Variants in KCNK13 observed in about 807,000 individuals in gnomAD.
KCNK13 encodes the protein potassium channel subfamily K member 13.
Under a neutral mutation model 23.4 loss-of-function variants are expected in KCNK13, and 12 were observed. That is an observed-to-expected ratio of 0.51 (90% confidence interval 0.33 to 0.83). KCNK13 has a LOEUF of 0.83. Ranked by LOEUF, KCNK13 falls within the 40% of genes least tolerant of loss-of-function variation. KCNK13 has a pLI of 0.02. For missense variants in KCNK13, 463 were observed against 556.3 expected (o/e 0.83, Z 1.69); for synonymous variants, 231 against 229.5 (o/e 1.01, Z -0.06).
At chr14:90,137,133 CCTT>C (rs768327482) in intron 1 of KCNK13, among the ~76,000 whole-genome samples, 9 of 152,098 alleles carry the variant, frequency 5.9e-5, no homozygotes, top group Admixed American at 1.3e-4. Flanking sequence ...AAGTAGTAAA[CCTT>C]CTGCCTTCGT....
chr14:90,081,819 A>C (rs1889216586), intron 1 of KCNK13, among the ~76,000 whole-genome samples: 1 of 152,134 alleles, frequency 6.6e-6, no homozygotes, highest in African/African-American at 2.4e-5. Flanking sequence ...TGGCGCCTTG[A>C]AGGAATGATG....
chr14:90,063,708 C>T (rs1888973926), intron 1 of KCNK13, among the ~76,000 whole-genome samples: 1 of 152,196 alleles, frequency 6.6e-6, no homozygotes, highest in Non-Finnish European at 1.5e-5. Context: ...CTCCTTGAGG[C>T]TCCCACACAT....
At chr14:90,166,857 G>GCA (rs1424954010) in intron 1 of KCNK13, among the ~76,000 whole-genome samples, 2 of 152,062 alleles carry the variant, frequency 1.3e-5, no homozygotes, top group African/African-American at 2.4e-5. Flanking sequence ...TTGGTGCCCT[G>GCA]CACACACACA....
Position 90,184,804 on chromosome 14 carries a change from C to T in KCNK13, c.1028C>T (p.Ser343Leu), listed in dbSNP as rs752746689. 6.2e-7 allele frequency: 1 copy of T among 1,612,738 alleles called. No individual in the cohort carries two copies. Among genetic ancestry groups the T allele is most frequent in the South Asian group, 1.1e-5 (1 of 91,070 alleles). ...AESDTDGRRL[S>L]GEMISMKDLL... ...AGTGACACGGACGGGCGCCGGCTCT[C>T]AGGGGAGATGATCTCCATGAAGGAC... The change falls in exon 2 of 2, where the codon TCA (serine) becomes TTA (leucine). Residue 343 changes from serine (S) to leucine (L), a missense_variant. Physicochemically the swap from Ser to Leu is moderately radical, Grantham distance 145 (BLOSUM62 -2). Transcript: ENST00000282146. This position sits in a 1 kb window ranked among gnomAD's most constrained non-coding sequence, Gnocchi z 5.6.
intron 1 of KCNK13, among the ~76,000 whole-genome samples, chr14:90,096,476 C>G (rs973476154): frequency 7.9e-5 from 12 of 152,168 alleles, no homozygotes; most frequent in African/African-American, 2.7e-4. Flanking sequence ...ATTCTTAGTC[C>G]TCTTTGCAAA....
At chr14:90,149,786 G>A (rs139382444) in intron 1 of KCNK13, among the ~76,000 whole-genome samples, 31 of 152,282 alleles carry the variant, frequency 2.0e-4, no homozygotes, top group African/African-American at 7.0e-4. Flanking sequence ...AATTCAGAAG[G>A]CATTTTTAAG....
intron 1 of KCNK13, among the ~76,000 whole-genome samples, chr14:90,077,279 C>T (rs1286911): frequency 0.031 from 4,739 of 151,924 alleles, 249 homozygotes; most frequent in African/African-American, 0.11. Flanking sequence ...ACCACCACGC[C>T]GGGCTAATTT....
intron 1 of KCNK13, among the ~76,000 whole-genome samples, chr14:90,064,056 C>G (rs764426649): frequency 6.6e-6 from 1 of 152,128 alleles, no homozygotes; most frequent in Non-Finnish European, 1.5e-5. Context: ...ATGGTTCTCC[C>G]CCTGAGCCCA....
intron 1 of KCNK13, among the ~76,000 whole-genome samples, chr14:90,179,895 G>A (rs1307732605): frequency 2.0e-5 from 3 of 152,228 alleles, no homozygotes; most frequent in African/African-American, 7.2e-5. Flanking sequence ...AAATTTTAAG[G>A]TTTTAGCTTG....
At chr14:90,088,855 T>G (rs1889311914) in intron 1 of KCNK13, among the ~76,000 whole-genome samples, 2 of 151,936 alleles carry the variant, frequency 1.3e-5, no homozygotes, top group Admixed American at 6.6e-5. Flanking sequence ...TCTCATGAGA[T>G]CTGATGGTTT....
chr14:90,170,841 C>G (rs748608010), intron 1 of KCNK13, among the ~76,000 whole-genome samples: 13 of 152,134 alleles, frequency 8.5e-5, no homozygotes, highest in Admixed American at 3.9e-4. Flanking sequence ...GTCTGTTGGA[C>G]AGGGCTGACT....
At chr14:90,129,618 C>T (rs750885877) in intron 1 of KCNK13, among the ~76,000 whole-genome samples, 3 of 152,060 alleles carry the variant, frequency 2.0e-5, no homozygotes, top group Non-Finnish European at 2.9e-5. Context: ...AATGCCCAAT[C>T]GTTTTACTAT....
At chr14:90,167,820 A>G (rs1596808186) in intron 1 of KCNK13, among the ~76,000 whole-genome samples, 3 of 152,168 alleles carry the variant, frequency 2.0e-5, no homozygotes, top group Admixed American at 6.5e-5. Flanking sequence ...ATAAACTGGG[A>G]CTAGCACCTG....
At chr14:90,065,025 A>G (rs1888991822) in intron 1 of KCNK13, among the ~76,000 whole-genome samples, 1 of 152,246 alleles carries the variant, frequency 6.6e-6, no homozygotes, top group Admixed American at 6.5e-5. Context: ...TAAAGTATAA[A>G]GAAGAAAAAA....
intron 1 of KCNK13, among the ~76,000 whole-genome samples, chr14:90,090,198 G>A (rs11621541): frequency 0.14 from 20,725 of 152,300 alleles, 1,700 homozygotes; most frequent in East Asian, 0.25. Flanking sequence ...GAAAGCAGCC[G>A]GGAGGGAGGC....
chr14:90,127,585 G>A (rs1387586772), intron 1 of KCNK13, among the ~76,000 whole-genome samples: 2 of 150,298 alleles, frequency 1.3e-5, no homozygotes, highest in Non-Finnish European at 3.0e-5. Context: ...GGCTGAGGCA[G>A]GAGGATTGCT....
At chr14:90,109,534 G>T (rs1889589137) in intron 1 of KCNK13, among the ~76,000 whole-genome samples, 1 of 147,770 alleles carries the variant, frequency 6.8e-6, no homozygotes, top group Non-Finnish European at 1.5e-5. Flanking sequence ...TCAGCCTCCC[G>T]AGTAGCTGGG....
intron 1 of KCNK13, among the ~76,000 whole-genome samples, chr14:90,081,241 T>G (rs1320058356): frequency 2.0e-5 from 3 of 152,248 alleles, no homozygotes; most frequent in Admixed American, 2.0e-4. Flanking sequence ...CCCCAAACTT[T>G]AACTTCAATT....
chr14:90,101,906 G>A (rs527531480), intron 1 of KCNK13, among the ~76,000 whole-genome samples: 1 of 149,016 alleles, frequency 6.7e-6, no homozygotes, highest in Non-Finnish European at 1.5e-5. Flanking sequence ...TTTTTTAAAC[G>A]GAGTTTTGCT....
Sources: gnomAD v4.1 joint callset for allele counts (sites outside exome capture counted in the v4.1 genomes callset) on GRCh38, gnomAD v4.1.1 for gene constraint, Gnocchi (gnomAD v3.1) non-coding constraint, MANE v1.5 for transcripts, NCBI Gene and HGNC (gene_info 2026-07-23, HGNC 2026-07-21) for gene names.